FRMD3: variants seen among roughly 807,000 people sequenced by gnomAD.
FRMD3 encodes the protein FERM domain-containing protein 3.
In FRMD3, 33 loss-of-function variants were observed where a neutral mutation model predicts 70.2. That is an observed-to-expected ratio of 0.47 (90% CI 0.36 to 0.63). The LOEUF is 0.63. Ranked by LOEUF, FRMD3 falls within the 20% of genes least tolerant of loss-of-function variation. The pLI is 0.00. For missense variants in FRMD3, 632 were observed against 711.4 expected, an observed-to-expected ratio of 0.89 and a Z score of 1.27; for synonymous variants, 279 against 255.9, an observed-to-expected ratio of 1.09 and a Z score of -0.86.
At chr9:83,371,320 A>G (rs1587784372) in intron 3 of FRMD3, among the ~76,000 whole-genome samples, 1 of 88,010 alleles carries the variant, frequency 1.1e-5, no homozygotes, top group Non-Finnish European at 2.3e-5. Context: ...CTGTCTTATT[A>G]CTTTTTTTTT....
At chr9:83,339,477 GA>G (rs1299363601) in intron 5 of FRMD3, among the ~76,000 whole-genome samples, 1 of 152,160 alleles carries the variant, frequency 6.6e-6, no homozygotes, top group Non-Finnish European at 1.5e-5. Flanking sequence ...AATTCTAAGA[GA>G]AAAATCCAAT....
intron 1 of FRMD3, among the ~76,000 whole-genome samples, chr9:83,473,076 T>A (rs1828309035): frequency 1.3e-5 from 2 of 152,156 alleles, no homozygotes; most frequent in Non-Finnish European, 2.9e-5. Context: ...ACCTCCAAAA[T>A]CAATCATTAT....
chr9:83,488,686 G>A (rs1159702486), intron 1 of FRMD3, among the ~76,000 whole-genome samples: 1 of 152,142 alleles, frequency 6.6e-6, no homozygotes, highest in Non-Finnish European at 1.5e-5. Context: ...CCACTCAATG[G>A]TGAGGTTTTT....
At chr9:83,362,673 T>C (rs1489640982) in intron 3 of FRMD3, among the ~76,000 whole-genome samples, 3 of 152,218 alleles carry the variant, frequency 2.0e-5, no homozygotes, top group Non-Finnish European at 4.4e-5. Context: ...GAAGAGTAAG[T>C]GAGCTTTCTT....
intron 1 of FRMD3, among the ~76,000 whole-genome samples, chr9:83,480,958 A>G (rs1302263162): frequency 1.3e-5 from 2 of 152,262 alleles, no homozygotes; most frequent in Non-Finnish European, 2.9e-5. Context: ...AAGTTCCAAA[A>G]GATTACATAG....
chr9:83,558,975 GCAA>G, the FRMD3 span, among the ~76,000 whole-genome samples: 1 of 152,190 alleles, frequency 6.6e-6, no homozygotes, highest in Non-Finnish European at 1.5e-5. Flanking sequence ...TTACAGATGA[GCAA>G]CAACAACAAG....
At chr9:83,440,929 C>T (rs1827275455) in intron 1 of FRMD3, among the ~76,000 whole-genome samples, 1 of 152,228 alleles carries the variant, frequency 6.6e-6, no homozygotes, top group Admixed American at 6.5e-5. Context: ...ATTGTGCTTT[C>T]CAGCTCCATT....
intron 6 of FRMD3, among the ~76,000 whole-genome samples, chr9:83,333,142 C>T (rs952520102): frequency 2.6e-5 from 4 of 152,222 alleles, no homozygotes; most frequent in Non-Finnish European, 5.9e-5. Context: ...CCAAAAGTAT[C>T]TCTCTGCTGC....
At chr9:83,461,224 A>C (rs1827961574) in intron 1 of FRMD3, among the ~76,000 whole-genome samples, 1 of 152,206 alleles carries the variant, frequency 6.6e-6, no homozygotes, top group South Asian at 2.1e-4. Flanking sequence ...GGAGTTCACA[A>C]TCAGAGGGAA....
At chr9:83,302,293 G>A (rs1318317516) in intron 10 of FRMD3, among the ~76,000 whole-genome samples, 4 of 152,140 alleles carry the variant, frequency 2.6e-5, no homozygotes, top group African/African-American at 4.8e-5. Context: ...CTTTAATCAA[G>A]CACCTTAAGG....
intron 6 of FRMD3, among the ~76,000 whole-genome samples, chr9:83,318,648 T>C (rs778911907): frequency 2.6e-5 from 4 of 152,146 alleles, no homozygotes; most frequent in Middle Eastern, 3.2e-3. Context: ...TGGGTAGATA[T>C]ATATACACAA....
intron 1 of FRMD3, among the ~76,000 whole-genome samples, chr9:83,425,936 C>T (rs1185978611): frequency 1.4e-5 from 2 of 147,094 alleles, no homozygotes; most frequent in African/African-American, 5.0e-5. Context: ...AAACAACCTT[C>T]CTGGCCCTTG....
intron 13 of FRMD3, among the ~76,000 whole-genome samples, chr9:83,265,626 A>T (rs1833222549): frequency 6.6e-6 from 1 of 152,192 alleles, no homozygotes; most frequent in Admixed American, 6.5e-5. Context: ...GAAAATACAC[A>T]ATTATTTGAA....
intron 13 of FRMD3, among the ~76,000 whole-genome samples, chr9:83,289,328 A>C (rs1180415059): frequency 6.6e-6 from 1 of 152,220 alleles, no homozygotes; most frequent in South Asian, 2.1e-4. Context: ...GCCATTTATA[A>C]CAAGAGTGTT....
intron 13 of FRMD3, among the ~76,000 whole-genome samples, chr9:83,286,064 ACGTTTT>A (rs1425356108): frequency 1.3e-5 from 2 of 152,184 alleles, no homozygotes; most frequent in African/African-American, 4.8e-5. Flanking sequence ...ATGGGGTCAC[ACGTTTT>A]CCCAGAACAC....
chr9:83,409,765 A>T, intron 1 of FRMD3, among the ~76,000 whole-genome samples: 1 of 152,232 alleles, frequency 6.6e-6, no homozygotes, highest in East Asian at 1.9e-4. Context: ...TAAGAGCTGG[A>T]CCCAGGACAT....
At chr9:83,317,219 C>CACAA (rs1835619620) in intron 6 of FRMD3, among the ~76,000 whole-genome samples, 1 of 151,790 alleles carries the variant, frequency 6.6e-6, no homozygotes, top group African/African-American at 2.4e-5. Context: ...CACACACACA[C>CACAA]ACACACACTC....
At chr9:83,428,210 G>A (rs1826867659) in intron 1 of FRMD3, among the ~76,000 whole-genome samples, 1 of 151,882 alleles carries the variant, frequency 6.6e-6, no homozygotes, top group African/African-American at 2.4e-5. Flanking sequence ...AACCCCATCT[G>A]TACTAAAAAT....
At chr9:83,562,271 C>G in the FRMD3 span, among the ~76,000 whole-genome samples, 1 of 152,194 alleles carries the variant, frequency 6.6e-6, no homozygotes, top group East Asian at 1.9e-4. Context: ...GTATCCTTGA[C>G]TACTTGAAAT....
Sources: allele counts gnomAD v4.1 joint callset (sites outside exome capture counted in the v4.1 genomes callset), GRCh38; gene constraint gnomAD v4.1.1; transcripts MANE v1.5; gene names NCBI Gene and HGNC (gene_info 2026-07-23, HGNC 2026-07-21).